The following MYH8 variants were observed in gnomAD, a reference collection of about 807,000 sequenced individuals.
The protein encoded by MYH8 is myosin-8.
Under a neutral mutation model 233.2 loss-of-function variants are expected in MYH8, and 168 were observed. The observed-to-expected ratio is 0.72, with a 90% CI of 0.64 to 0.82. The LOEUF (loss-of-function observed/expected upper bound fraction) is 0.82. MYH8 is among the 40% of genes least tolerant of loss of function. The pLI is 0.00. For synonymous variants in MYH8, 785 were observed against 850.6 expected, an observed-to-expected ratio of 0.92 and a Z score of 1.34; for missense variants, 1,995 against 2,327.8, an observed-to-expected ratio of 0.86 and a Z score of 2.94.
intron 22 of MYH8, among the ~76,000 whole-genome samples, chr17:10,403,223 C>A (rs2072158965): frequency 6.6e-6 from 1 of 152,114 alleles, no homozygotes; most frequent in African/African-American, 2.4e-5. Context: ...CTCCCCTCTC[C>A]CAATAATTAT....
intron 30 of MYH8, among the ~76,000 whole-genome samples, chr17:10,397,474 T>C (rs777422275): frequency 6.6e-6 from 1 of 152,210 alleles, no homozygotes; most frequent in Non-Finnish European, 1.5e-5. Context: ...ATTGGTAAAC[T>C]GTATGGAAAG....
intron 30 of MYH8, among the ~76,000 whole-genome samples, chr17:10,397,379 C>T (rs2072089615): frequency 6.6e-6 from 1 of 152,198 alleles, no homozygotes; most frequent in African/African-American, 2.4e-5. Flanking sequence ...CAGGTGTGAG[C>T]CACTGTGCCT....
rs780656237 is a variant in MYH8 at position 10,395,393 on chromosome 17, A to C, written c.4702T>G (p.Leu1568Val). Residue 1568 changes from leucine (L) to valine (V), a missense_variant, in exon 34 of 40, where the codon TTA becomes GTA. Leu to Val is a conservative substitution (Grantham distance 32). Transcript: ENST00000403437. Reference protein sequence around the residue: ...EGKILRIQLELNQVKSEVDRK... With the variant: ...EGKILRIQLEVNQVKSEVDRK... ...TCAACTTCAGACTTGACTTGGTTTA[A>C]CTCAAGCTGGATACGCAGAATCTTT... The C allele has an allele frequency of 6.2e-7, 1 of 1,614,090 alleles. No homozygotes were observed. Among genetic ancestry groups the C allele is most frequent in the Non-Finnish European group, 8.5e-7 (1 of 1,179,974 alleles).
chr17:10,400,782 G>A lies in MYH8; in HGVS notation c.3346-3C>T, dbSNP rs530456839. On this transcript the variant is annotated splice_region_variant and splice_polypyrimidine_tract_variant and intron_variant, in intron 26 of 39. Transcript: ENST00000403437. The surrounding 1 kb of genome is among the most constrained non-coding windows in gnomAD (Gnocchi z 4.0). ...TCCCCCAGCTCCTCAATGCGGGCCT[G>A]GGAATGAAAGAAGCACATAAACATA... is the stretch of plus-strand genomic sequence containing the variant. 1.2e-6 allele frequency: 2 copies of A among 1,614,052 alleles called. No homozygotes were observed. Among genetic ancestry groups the A allele is most frequent in the East Asian group, 2.2e-5 (1 of 44,884 alleles).
In MYH8 at chr17:10,390,572, A is replaced by G; in HGVS notation, c.5696T>C (p.Phe1899Ser). 6.2e-7 allele frequency: 1 copy of G among 1,614,140 alleles called. No homozygotes were observed. Among genetic ancestry groups the G allele is most frequent in the Non-Finnish European group, 8.5e-7 (1 of 1,179,996 alleles). ...EEQSNANLSK[F>S]RKLQHELEEA... ...CTCCAGCTCATGCTGGAGTTTGCGG[A>G]ATTTAGATAGATTAGCATTGGATTG... Residue 1899 changes from phenylalanine to serine, a missense_variant, in exon 40 of 40, where the codon TTC becomes TCC. Phe to Ser is a radical substitution (Grantham distance 155). Transcript: ENST00000403437.
Position 10,417,203 on chromosome 17 carries a change from A to C in MYH8, c.511+1442T>G, listed in dbSNP as rs532974813. On this transcript the variant is annotated intron_variant, in intron 5 of 39. Transcript: ENST00000403437. This position sits in a 1 kb window ranked among gnomAD's most constrained non-coding sequence, Gnocchi z 4.1. Reference sequence around the variant, plus strand: ...ATTATGTGACTGATATGTTGTATTTACATCAATTTGCTGATTTGTTAAATC... The same window carrying C: ...ATTATGTGACTGATATGTTGTATTTCCATCAATTTGCTGATTTGTTAAATC... 2.2e-4 allele frequency among the ~76,000 whole-genome samples: 33 copies of C among 152,376 alleles called. No individual in the cohort carries two copies. Among genetic ancestry groups the C allele is most frequent in the African/African-American group, 6.5e-4 (27 of 41,596 alleles).
rs758364243 is a variant in MYH8 at position 10,395,193 on chromosome 17, A to G, written c.4902T>C (p.His1634=). 1.2e-6 allele frequency: 2 copies of G among 1,614,122 alleles called. No individual in the cohort carries two copies. The highest frequency in any genetic ancestry group is 1.7e-6 in the Non-Finnish European group (2 of 1,180,026). Residue 1634 remains histidine (H), a synonymous_variant, in exon 34 of 40, where the codon CAT becomes CAC. Coordinates refer to ENST00000403437, the MANE Select transcript of MYH8 (RefSeq NM_002472.3). The part of the protein sequence containing the change: ...DLNEMEIQLN[H]ANRLAAESLR... Reference sequence around the variant, plus strand: ...AACTCTCTGCAGCTAAGCGATTGGCATGGTTCAGCTGGATTTCCATTTCAT... The same window carrying G: ...AACTCTCTGCAGCTAAGCGATTGGCGTGGTTCAGCTGGATTTCCATTTCAT...
chr17:10,416,118 C>A (rs968094298), intron 5 of MYH8, among the ~76,000 whole-genome samples: 1 of 152,096 alleles, frequency 6.6e-6, no homozygotes, highest in Non-Finnish European at 1.5e-5. Context: ...ATCTCCTACT[C>A]CTCCCATTCC....
rs759093798 is a variant in MYH8, at chr17:10,409,154, C to T, written c.1908G>A (p.Ala636=). The T allele has an allele frequency of 1.2e-5, 19 of 1,614,034 alleles. No homozygotes were observed. The highest frequency in any genetic ancestry group is 1.6e-4 in the Middle Eastern group (1 of 6,082). Residue 636 remains alanine, a synonymous_variant, in exon 17 of 40, where the codon GCG becomes GCA. Coordinates refer to ENST00000403437, the MANE Select transcript of MYH8 (RefSeq NM_002472.3). ...AGCCCTTTTTCTTAGCACCTTTCTT[C>T]GCGCTGCTATCTGAGGTAAAAAGAA... ...TYASAEADSS[A]KKGAKKKGSS... is the part of the protein sequence containing the mutation.
At position 10,398,521 on chromosome 17, in the gene MYH8, G is replaced by A. The variant is rs147195202; in HGVS notation, c.4101C>T (p.Ala1367=). Residue 1367 remains alanine (A), a synonymous_variant, in exon 30 of 40, where the codon GCC becomes GCT. Coordinates refer to ENST00000403437, the MANE Select transcript of MYH8 (RefSeq NM_002472.3). ...KAELQRALSK[A]NSEVAQWRTK... is the part of the protein sequence containing the mutation. ...TTCTCCACTGGGCAACCTCACTGTT[G>A]GCCTTGGACAGCGCCCTCTGCAGCT... 3.5e-5 allele frequency: 56 copies of A among 1,614,082 alleles called. 2 individuals are homozygous for A. In the African/African-American group the frequency reaches 5.3e-4, roughly 15 times the overall value.
chr17:10,401,374 T>C lies in MYH8; in HGVS notation c.3009A>G (p.Gln1003=), dbSNP rs2072140207. Residue 1003 remains glutamine, a synonymous_variant, in exon 24 of 40, where the codon CAA becomes CAG. Transcript: ENST00000403437. ...AKLSKEKKAL[Q]ETHQQTLDDL... ...CATCCAGGGTCTGCTGGTGGGTCTCTTGGAGAGCCTTCTTCTCCTTGGACA... is the reference window on the plus strand; with the variant it reads ...CATCCAGGGTCTGCTGGTGGGTCTCCTGGAGAGCCTTCTTCTCCTTGGACA... 1 of 1,614,106 alleles carries C rather than the reference T, an allele frequency of 6.2e-7. No homozygotes were observed. The highest frequency in any genetic ancestry group is 8.5e-7 in the Non-Finnish European group (1 of 1,180,020).
At position 10,394,313 on chromosome 17, in the gene MYH8, C is replaced by T; in HGVS notation, c.5102G>A (p.Ser1701Asn). The T allele has an allele frequency of 6.2e-7, 1 of 1,614,178 alleles. No individual in the cohort carries two copies. The highest frequency in any genetic ancestry group is 8.5e-7 in the Non-Finnish European group (1 of 1,180,042). The stretch of plus-strand genomic sequence containing the variant: ...GAGCTCCTGTTCGGCGATTTTCCTG[C>T]TTCTCTCTGTCTGTTCCAGAGTGGC... ...LWATLEQTER[S>N]RKIAEQELLD... Residue 1701 changes from serine to asparagine, a missense_variant, in exon 35 of 40, where the codon AGC (serine) becomes AAC (asparagine). Ser to Asn is a conservative substitution (Grantham distance 46, BLOSUM62 1). Transcript: ENST00000403437.
At chr17:10,420,939 T>A (rs1455277003) in intron 2 of MYH8, among the ~76,000 whole-genome samples, 1 of 152,218 alleles carries the variant, frequency 6.6e-6, no homozygotes, top group African/African-American at 2.4e-5. Context: ...CACAGAGGAA[T>A]GAGAGCTTCA....
At chr17:10,399,773 G>A in intron 27 of MYH8, 104 bp from the exon 28 acceptor site, 1 of 1,507,140 alleles carries the variant, frequency 6.6e-7, no homozygotes, top group Admixed American at 1.8e-5. Context: ...TGTCAAGTGT[G>A]AGTAGAAAGT....
chr17:10,398,229 C>G (rs898849245), intron 30 of MYH8, among the ~76,000 whole-genome samples: 1 of 152,152 alleles, frequency 6.6e-6, no homozygotes, highest in East Asian at 1.9e-4. Flanking sequence ...ACAGCCTCAA[C>G]TTCCTCATCT....
chr17:10,417,181 A>G lies in MYH8; in HGVS notation c.511+1464T>C, dbSNP rs2142190746. Among the ~76,000 whole-genome samples, 1 of 152,354 alleles carries G rather than the reference A, an allele frequency of 6.6e-6. No homozygotes were observed. The highest frequency in any genetic ancestry group is 3.4e-3 in the Middle Eastern group (1 of 294). ...ATAATAAAAACAAATGTCACTAATT[A>G]TGTGACTGATATGTTGTATTTACAT... On this transcript the variant is annotated intron_variant, in intron 5 of 39. Coordinates refer to ENST00000403437, the MANE Select transcript of MYH8 (RefSeq NM_002472.3). The surrounding 1 kb of genome is among the most constrained non-coding windows in gnomAD (Gnocchi z 4.1).
At chr17:10,399,205 T>C (rs2072110042) in intron 28 of MYH8, among the ~76,000 whole-genome samples, 1 of 151,900 alleles carries the variant, frequency 6.6e-6, no homozygotes, top group Non-Finnish European at 1.5e-5. Context: ...TTTTGAATTT[T>C]GGAGCATTTC....
chr17:10,414,141 A>G (rs2072268820), intron 11 of MYH8, 51 bp downstream of exon 11: 12 of 1,608,204 alleles, frequency 7.5e-6, no homozygotes, highest in Non-Finnish European at 9.4e-6. Context: ...GTAGTTTGCT[A>G]TTGTCATTTC....
At position 10,410,081 on chromosome 17, in the gene MYH8, A is replaced by G. The variant is rs145859912; in HGVS notation, c.1588-493T>C. Reference sequence around the variant, plus strand: ...CACTTTGGGAGGCCAAGACAGGAGGATCACTTGAACTCAGGAGTTCAAGAC... The same window carrying G: ...CACTTTGGGAGGCCAAGACAGGAGGGTCACTTGAACTCAGGAGTTCAAGAC... On this transcript the variant is annotated intron_variant, in intron 15 of 39. Transcript: ENST00000403437. Among the ~76,000 whole-genome samples, 1,256 of 152,330 alleles carry G rather than the reference A, an allele frequency of 8.2e-3. 12 individuals carry two copies. Among genetic ancestry groups the G allele is most frequent in the South Asian group, 0.018 (87 of 4,820 alleles).
Sources: gnomAD v4.1 joint callset for allele counts (sites outside exome capture counted in the v4.1 genomes callset) on GRCh38, gnomAD v4.1.1 for gene constraint, Gnocchi (gnomAD v3.1) non-coding constraint, MANE v1.5 for transcripts, NCBI Gene and HGNC (gene_info 2026-07-23, HGNC 2026-07-21) for gene names.